ISOC1: variants seen among roughly 807,000 people sequenced by gnomAD.
The protein encoded by ISOC1 is isochorismatase domain containing 1, also known as isochorismatase domain-containing protein 1.
Under a neutral mutation model 30.0 loss-of-function variants are expected in ISOC1, and 33 were observed. The observed-to-expected ratio is 1.10, with a 90% CI of 0.83 to 1.47. The LOEUF (loss-of-function observed/expected upper bound fraction) is 1.47. Among genes scored for constraint, ISOC1 ranks in the 40% most tolerant of loss-of-function variants. ISOC1 has a pLI of 0.00. For synonymous variants in ISOC1, 178 were observed against 159.8 expected (o/e 1.11, Z -0.86); for missense variants, 372 against 388.0 (o/e 0.96, Z 0.35).
At chr5:129,102,973 A>G (rs1446738110) in intron 1 of ISOC1, among the ~76,000 whole-genome samples, 4 of 152,200 alleles carry the variant, frequency 2.6e-5, no homozygotes, top group Non-Finnish European at 5.9e-5. Context: ...CCTCCACCAC[A>G]TTTACGCAAC....
At chr5:129,108,738 C>T (rs1468654895) in intron 4 of ISOC1, among the ~76,000 whole-genome samples, 7 of 152,138 alleles carry the variant, frequency 4.6e-5, no homozygotes, top group African/African-American at 1.7e-4. Flanking sequence ...TCTCGAACTC[C>T]TGACCTCAGG....
At chr5:129,104,395 A>G (rs1264527898) in intron 1 of ISOC1, among the ~76,000 whole-genome samples, 2 of 151,954 alleles carry the variant, frequency 1.3e-5, no homozygotes, top group South Asian at 2.1e-4. Flanking sequence ...TTTTTTTTCT[A>G]TTGTAACACT....
At chr5:129,107,259 T>C (rs1271604446) in intron 4 of ISOC1, among the ~76,000 whole-genome samples, 197 bp downstream of exon 4, 1 of 152,212 alleles carries the variant, frequency 6.6e-6, no homozygotes, top group African/African-American at 2.4e-5. Flanking sequence ...TCTCGTTTCC[T>C]CCTTAGATCA....
At chr5:129,096,413 T>C (rs917408601) in intron 1 of ISOC1, among the ~76,000 whole-genome samples, 86 of 152,270 alleles carry the variant, frequency 5.6e-4, no homozygotes, top group African/African-American at 2.0e-3. Context: ...CCCCAACACC[T>C]GTGCCAGAAG....
Position 129,107,078 on chromosome 5 carries a change from G to A in ISOC1, c.750+16G>A. 2 of 1,576,012 alleles carry A rather than the reference G, an allele frequency of 1.3e-6. No individual in the cohort carries two copies. Among genetic ancestry groups the A allele is most frequent in the Non-Finnish European group, 1.7e-6 (2 of 1,145,834 alleles). ...TGCCCTCGAGGTAATTGTCCTGCTT[G>A]GGAATAGATCATTTGTCAAGTTTTC... On this transcript the variant is annotated intron_variant, in intron 4 of 4. Coordinates refer to ENST00000173527, the MANE Select transcript of ISOC1 (RefSeq NM_016048.2).
intron 1 of ISOC1, 84 bp downstream of exon 1, chr5:129,095,159 C>T: frequency 7.3e-7 from 1 of 1,367,406 alleles, no homozygotes; most frequent in East Asian, 2.7e-5. Flanking sequence ...CCGCGCTCCT[C>T]AGGTGCCCCG....
At chr5:129,100,261 G>T (rs1408703576) in intron 1 of ISOC1, among the ~76,000 whole-genome samples, 1 of 152,154 alleles carries the variant, frequency 6.6e-6, no homozygotes, top group Non-Finnish European at 1.5e-5. Context: ...TATGGGCTGG[G>T]TGATGTGAAA....
At chr5:129,104,831 A>T (rs944568936) in intron 1 of ISOC1, 125 bp from the exon 2 acceptor site, 1 of 862,168 alleles carries the variant, frequency 1.2e-6, no homozygotes, top group Admixed American at 3.0e-5. Flanking sequence ...TTTTTGGATA[A>T]TAGCGGTAGA....
intron 1 of ISOC1, among the ~76,000 whole-genome samples, chr5:129,096,248 T>C (rs1580784979): frequency 1.3e-5 from 2 of 152,192 alleles, no homozygotes; most frequent in South Asian, 4.1e-4. Context: ...CAATAAATTA[T>C]TGTTAACTAT....
chr5:129,109,212 C>T (rs979644196), intron 4 of ISOC1, among the ~76,000 whole-genome samples: 1 of 152,190 alleles, frequency 6.6e-6, no homozygotes, highest in African/African-American at 2.4e-5. Context: ...TAGGAATCCA[C>T]ACAATGTGGG....
chr5:129,094,811 C>T lies in ISOC1; in HGVS notation c.45C>T (p.Gly15=), dbSNP rs1233501236. The T allele has an allele frequency of 1.3e-6, 2 of 1,536,524 alleles. No individual in the cohort carries two copies. The highest frequency in any genetic ancestry group is 2.0e-5 in the Admixed American group (1 of 50,470). The change falls in exon 1 of 5, where the codon GGC becomes GGT. Residue 15 remains glycine, a synonymous_variant. Transcript: ENST00000173527. The stretch of plus-strand genomic sequence containing the variant: ...CGGTCCTTGCGCTCCCCAACAGCGG[C>T]GCCGGGGGCGCGGGGGCGCCGTCGG... ...EPAVLALPNS[G]AGGAGAPSGT...
chr5:129,107,241 A>G (rs1026415740), intron 4 of ISOC1, among the ~76,000 whole-genome samples, 179 bp downstream of exon 4: 13 of 152,154 alleles, frequency 8.5e-5, no homozygotes, highest in African/African-American at 2.9e-4. Context: ...ACCATATCCT[A>G]TTTTATGTCT....
At chr5:129,096,643 C>T (rs1753505459) in intron 1 of ISOC1, among the ~76,000 whole-genome samples, 1 of 152,194 alleles carries the variant, frequency 6.6e-6, no homozygotes, top group Non-Finnish European at 1.5e-5. Flanking sequence ...TCTCTGCAGC[C>T]TTCCTTGTCA....
rs1381223294 is a variant in ISOC1 at position 129,095,045 on chromosome 5, C to G, written c.279C>G (p.Cys93Trp). The change falls in exon 1 of 5, where the codon TGC (cysteine) becomes TGG (tryptophan). Residue 93 changes from cysteine to tryptophan, a missense_variant. Cys to Trp is a radical substitution (Grantham distance 215, BLOSUM62 -2). Coordinates refer to ENST00000173527, the MANE Select transcript of ISOC1 (RefSeq NM_016048.2). ...LPKGFAVSER[C>W]KVRLVPLQIQ... ...AGGGCTTCGCGGTGAGCGAGCGCTG[C>G]AAGGTGCGCCTCGTGCCGTTGCAGA... The G allele has an allele frequency of 6.3e-7, 1 of 1,589,278 alleles. No individual in the cohort carries two copies. The highest frequency in any genetic ancestry group is 1.1e-5 in the South Asian group (1 of 88,802).
chr5:129,097,340 C>T (rs1417778977), intron 1 of ISOC1, among the ~76,000 whole-genome samples: 4 of 152,122 alleles, frequency 2.6e-5, no homozygotes, highest in South Asian at 2.1e-4. Context: ...ATCGTATATA[C>T]CTTCTGATAC....
chr5:129,095,413 G>A (rs1215670853), intron 1 of ISOC1, among the ~76,000 whole-genome samples: 1 of 152,236 alleles, frequency 6.6e-6, no homozygotes, highest in East Asian at 1.9e-4. Context: ...CGTAACCAAA[G>A]GGCTGTGCTG....
At position 129,113,099 on chromosome 5, in the gene ISOC1, A is replaced by G. The variant is rs1300579193; in HGVS notation, c.*98A>G. 8.5e-6 allele frequency: 10 copies of G among 1,182,936 alleles called. No individual in the cohort carries two copies. Among genetic ancestry groups the G allele is most frequent in the Non-Finnish European group, 9.2e-6 (8 of 869,162 alleles). The allele number at this position is 1,182,936 out of a possible 1,614,324, so 73.3% of individuals were successfully genotyped here. Reference sequence around the variant, plus strand: ...TCTTCTTATCTCTACTAGAATTAAAATGTTAAGTCAAAAACGGCTCCTTTT... The same window carrying G: ...TCTTCTTATCTCTACTAGAATTAAAGTGTTAAGTCAAAAACGGCTCCTTTT... On this transcript the variant is annotated 3_prime_UTR_variant, in exon 5 of 5. Transcript: ENST00000173527.
intron 1 of ISOC1, among the ~76,000 whole-genome samples, chr5:129,104,132 G>A (rs1212124335): frequency 6.6e-6 from 1 of 152,230 alleles, no homozygotes. Flanking sequence ...TAAGAATGGA[G>A]ATGTCAAATA....
chr5:129,094,789 T>A lies in ISOC1; in HGVS notation c.23T>A (p.Val8Asp), dbSNP rs774751342. The A allele has an allele frequency of 3.5e-5, 53 of 1,520,342 alleles. No individual in the cohort carries two copies. Among genetic ancestry groups the A allele is most frequent in the Non-Finnish European group, 4.5e-5 (51 of 1,139,666 alleles). 94.2% of individuals were successfully genotyped at this position (1,520,342 alleles called of 1,614,324 possible). ...AACATGGCGGCTGCGGAGCCGGCGG[T>A]CCTTGCGCTCCCCAACAGCGGCGCC... MAAAEPA[V>D]LALPNSGAGG... The change falls in exon 1 of 5, where the codon GTC becomes GAC. Residue 8 changes from valine to aspartate, a missense_variant. Transcript: ENST00000173527.
Sources: gnomAD v4.1 joint callset for allele counts (sites outside exome capture counted in the v4.1 genomes callset) on GRCh38, gnomAD v4.1.1 for gene constraint, MANE v1.5 for transcripts, NCBI Gene and HGNC (gene_info 2026-07-23, HGNC 2026-07-21) for gene names.